PRTFDC1: variants seen among roughly 807,000 people sequenced by gnomAD.
The protein encoded by PRTFDC1 is phosphoribosyl transferase domain containing 1.
Under a neutral mutation model 34.6 loss-of-function variants are expected in PRTFDC1, and 38 were observed. The ratio of observed to expected loss-of-function variants is 1.10; its 90% confidence interval spans 0.85 to 1.44. The LOEUF (loss-of-function observed/expected upper bound fraction) is 1.44. Among genes scored for constraint, PRTFDC1 ranks in the 40% most tolerant of loss-of-function variants. The pLI is 0.00. For missense variants in PRTFDC1, 270 were observed against 283.0 expected (o/e 0.95, Z 0.33); for synonymous variants, 93 against 98.1 (o/e 0.95, Z 0.31).
At position 24,872,046 on chromosome 10, in the gene PRTFDC1, A is replaced by C; in HGVS notation, c.357T>G (p.Gly119=). The change falls in exon 4 of 9, where the codon GGT becomes GGG. Residue 119 remains glycine (G), a synonymous_variant. Transcript: ENST00000320152. ...LKSYRNDQSM[G]EMQIIGGDDL... ...CATCGCCTCCGATTATCTGCATCTC[A>C]CCCATGGACTGGTCATTCTGCAAAA... The C allele has an allele frequency of 5.6e-6, 9 of 1,610,218 alleles. No individual in the cohort carries two copies. Among genetic ancestry groups the C allele is most frequent in the Admixed American group, 1.7e-5 (1 of 59,924 alleles).
intron 3 of PRTFDC1, among the ~76,000 whole-genome samples, chr10:24,934,422 A>G (rs1849018855): frequency 6.6e-6 from 1 of 152,224 alleles, no homozygotes; most frequent in Admixed American, 6.5e-5. Context: ...TGGGAAGAAG[A>G]AGCCAGACAT....
intron 4 of PRTFDC1, chr10:24,867,723 T>C (rs543017414): frequency 3.7e-4 from 57 of 152,216 alleles, no homozygotes; most frequent in African/African-American, 1.3e-3. Context: ...GTCACCTATT[T>C]ATGAAGGATT....
chr10:24,877,411 C>T (rs1364386757), intron 3 of PRTFDC1, among the ~76,000 whole-genome samples: 1 of 152,076 alleles, frequency 6.6e-6, no homozygotes. Context: ...TAATGAACGT[C>T]GCTGGTTTGA....
At chr10:24,919,245 A>G (rs1024226018) in intron 3 of PRTFDC1, among the ~76,000 whole-genome samples, 4 of 152,332 alleles carry the variant, frequency 2.6e-5, no homozygotes, top group South Asian at 2.1e-4. Flanking sequence ...CTATAAGGCT[A>G]TAGTAACCAA....
At chr10:24,883,817 C>T (rs963720250) in intron 3 of PRTFDC1, among the ~76,000 whole-genome samples, 2 of 117,102 alleles carry the variant, frequency 1.7e-5, no homozygotes, top group South Asian at 3.2e-4. Flanking sequence ...TCTTAAGAGA[C>T]CTTTTTTTTT....
At chr10:24,905,846 A>G (rs1263394013) in intron 3 of PRTFDC1, among the ~76,000 whole-genome samples, 3 of 151,948 alleles carry the variant, frequency 2.0e-5, no homozygotes, top group Admixed American at 2.0e-4. Context: ...GGTCTCATTC[A>G]TTCTTTCTAA....
chr10:24,946,591 G>A (rs1849254461), intron 1 of PRTFDC1, among the ~76,000 whole-genome samples: 2 of 152,020 alleles, frequency 1.3e-5, no homozygotes, highest in Admixed American at 1.3e-4. Flanking sequence ...TGAGACCTTG[G>A]GCATATTAAA....
intron 1 of PRTFDC1, among the ~76,000 whole-genome samples, chr10:24,949,604 T>C (rs1006346508): frequency 1.3e-5 from 2 of 152,220 alleles, no homozygotes; most frequent in African/African-American, 4.8e-5. Context: ...GAGAAAAGGA[T>C]GTAAATGTAG....
intron 4 of PRTFDC1, among the ~76,000 whole-genome samples, chr10:24,859,059 T>C (rs1450618159): frequency 6.6e-6 from 1 of 152,220 alleles, no homozygotes; most frequent in East Asian, 1.9e-4. Flanking sequence ...AAATCTCATG[T>C]TGAAGTGTAA....
chr10:24,942,004 G>A (rs917534129), intron 2 of PRTFDC1, among the ~76,000 whole-genome samples: 8 of 152,108 alleles, frequency 5.3e-5, no homozygotes, highest in African/African-American at 9.7e-5. Context: ...ATTTGATCAC[G>A]GAACGTCCCC....
chr10:24,915,695 A>T (rs1018976145), intron 3 of PRTFDC1, among the ~76,000 whole-genome samples: 3 of 152,196 alleles, frequency 2.0e-5, no homozygotes, highest in Non-Finnish European at 4.4e-5. Flanking sequence ...AACTGCATTC[A>T]GTGGCTGATT....
chr10:24,891,625 T>A (rs72780358), intron 3 of PRTFDC1, among the ~76,000 whole-genome samples: 23,012 of 148,906 alleles, frequency 0.15, 2,075 homozygotes, highest in South Asian at 0.35. Flanking sequence ...CCCAGTCTCT[T>A]AAAAAAAAAA....
chr10:24,931,837 GA>G (rs754351590), intron 3 of PRTFDC1, among the ~76,000 whole-genome samples: 10 of 150,498 alleles, frequency 6.6e-5, no homozygotes, highest in Admixed American at 1.3e-4. Flanking sequence ...AAAAAAAGAT[GA>G]GGAGAAAATA....
intron 2 of PRTFDC1, among the ~76,000 whole-genome samples, 170 bp from the exon 3 acceptor site, chr10:24,937,537 G>T (rs1405271132): frequency 1.3e-5 from 2 of 149,716 alleles, no homozygotes; most frequent in African/African-American, 2.5e-5. Context: ...TTGAACATAA[G>T]GTGTTCAAAA....
rs114114494 is a variant in PRTFDC1 at position 24,925,938 on chromosome 10, T to C, written c.339+11246A>G. Among the ~76,000 whole-genome samples, 1,075 of 152,366 alleles carry C rather than the reference T, an allele frequency of 7.1e-3. 16 individuals carry two copies. The highest frequency in any genetic ancestry group is 0.025 in the African/African-American group (1,021 of 41,588). On this transcript the variant is annotated intron_variant, in intron 3 of 8. Coordinates refer to ENST00000320152, the MANE Select transcript of PRTFDC1 (RefSeq NM_020200.7). The stretch of plus-strand genomic sequence containing the variant: ...CACAATGGTTTTGGTCTTTCTGCTC[T>C]GTTCCCAAGTTCCAGTATCCACTGT...
chr10:24,944,891 T>C (rs1256199323), intron 1 of PRTFDC1, among the ~76,000 whole-genome samples: 3 of 152,198 alleles, frequency 2.0e-5, no homozygotes, highest in African/African-American at 7.2e-5. Flanking sequence ...GAGTCCTCAC[T>C]GTGGCTCACC....
chr10:24,917,721 A>G (rs1429764341), intron 3 of PRTFDC1, among the ~76,000 whole-genome samples: 1 of 152,184 alleles, frequency 6.6e-6, no homozygotes, highest in Non-Finnish European at 1.5e-5. Context: ...TTACTAGTGG[A>G]TTCCCATGGA....
intron 4 of PRTFDC1, among the ~76,000 whole-genome samples, chr10:24,858,653 T>G (rs1847622393): frequency 6.6e-6 from 1 of 152,220 alleles, no homozygotes; most frequent in African/African-American, 2.4e-5. Context: ...ATCTTAGACC[T>G]GTCTGACGAG....
chr10:24,905,895 C>G (rs1264374780), intron 3 of PRTFDC1, among the ~76,000 whole-genome samples: 1 of 152,152 alleles, frequency 6.6e-6, no homozygotes. Flanking sequence ...GCTCCCTCCT[C>G]TCACCACTCC....
Sources: gnomAD v4.1 joint callset for allele counts (sites outside exome capture counted in the v4.1 genomes callset) on GRCh38, gnomAD v4.1.1 for gene constraint, MANE v1.5 for transcripts, NCBI Gene and HGNC (gene_info 2026-07-23, HGNC 2026-07-21) for gene names.